MORC3: variants seen among roughly 807,000 people sequenced by gnomAD.
The protein encoded by MORC3 is MORC family CW-type zinc finger protein 3.
A neutral mutation model predicts 109.1 loss-of-function variants in MORC3; 31 were observed. The ratio of observed to expected loss-of-function variants is 0.28; its 90% CI spans 0.21 to 0.38. The LOEUF (loss-of-function observed/expected upper bound fraction) is 0.38. MORC3 is among the 10% of genes least tolerant of loss of function. The probability of loss-of-function intolerance (pLI) is 1.00; values close to 1 mark genes in which losing one functional copy is unlikely to be tolerated. For synonymous variants in MORC3, 395 were observed against 380.7 expected (o/e 1.04, Z -0.44); for missense variants, 867 against 1,135.8 (o/e 0.76, Z 3.40).
At chr21:36,334,126 A>G (rs2146295482) in intron 2 of MORC3, among the ~76,000 whole-genome samples, 1 of 152,140 alleles carries the variant, frequency 6.6e-6, no homozygotes, top group East Asian at 1.9e-4. Flanking sequence ...ATGGTGGTGC[A>G]GGCCTGTGGT....
Position 36,320,230 on chromosome 21 carries a change from G to A in MORC3, c.-35G>A, listed in dbSNP as rs1304207525. 2 of 1,571,218 alleles carry A rather than the reference G, an allele frequency of 1.3e-6. No individual in the cohort carries two copies. The highest frequency in any genetic ancestry group is 8.6e-7 in the Non-Finnish European group (1 of 1,159,212). On this transcript the variant is annotated 5_prime_UTR_variant, in exon 1 of 17. Transcript: ENST00000400485. ...TCCGCCACCTCCCAGTCGGGTTGCG[G>A]CGGAGGCCGTTCCTGGCTTTGTAGC...
intron 11 of MORC3, 22 bp downstream of exon 11, chr21:36,360,099 C>A: frequency 6.2e-7 from 1 of 1,614,062 alleles, no homozygotes; most frequent in Non-Finnish European, 8.5e-7. Context: ...TTGGTAGTAC[C>A]CTTTTTGGAA....
intron 1 of MORC3, among the ~76,000 whole-genome samples, chr21:36,321,313 GTGT>G (rs2085191499): frequency 6.6e-6 from 1 of 152,144 alleles, no homozygotes. Flanking sequence ...TTGACTGTTT[GTGT>G]TGTTGAGCTC....
intron 6 of MORC3, among the ~76,000 whole-genome samples, chr21:36,343,481 C>A (rs1477052703): frequency 7.1e-6 from 1 of 139,974 alleles, no homozygotes; most frequent in African/African-American, 2.7e-5. Context: ...CAGAGTCTCA[C>A]TCTGTTGCCT....
chr21:36,334,110 C>G lies in MORC3; in HGVS notation c.112+392C>G, dbSNP rs530784789. 9.2e-5 allele frequency among the ~76,000 whole-genome samples: 14 copies of G among 152,088 alleles called. No individual in the cohort carries two copies. The East Asian group carries it at 2.5e-3, about 27-fold the overall frequency. On this transcript the variant is annotated intron_variant, in intron 2 of 16. Transcript: ENST00000400485. ...CCTACAAAAATATTTTAAAAATCAG[C>G]TGGGTATGGTGGTGCAGGCCTGTGG...
intron 13 of MORC3, among the ~76,000 whole-genome samples, 180 bp downstream of exon 13, chr21:36,362,408 T>C (rs2085729163): frequency 6.6e-6 from 1 of 151,488 alleles, no homozygotes; most frequent in African/African-American, 2.4e-5. Context: ...CTGGATGTGG[T>C]GGCACATACC....
chr21:36,351,940 G>A (rs117313305), intron 9 of MORC3, among the ~76,000 whole-genome samples: 3,748 of 152,198 alleles, frequency 0.025, 64 homozygotes, highest in Admixed American at 0.046. Context: ...AAGCCACATA[G>A]CCTTGTTAGT....
chr21:36,367,204 C>T (rs577955550), intron 14 of MORC3, among the ~76,000 whole-genome samples: 2 of 152,294 alleles, frequency 1.3e-5, no homozygotes, highest in East Asian at 1.9e-4. Flanking sequence ...TGTTTTGAAA[C>T]AGAATGAGTA....
intron 2 of MORC3, among the ~76,000 whole-genome samples, chr21:36,335,684 A>G (rs1328031672): frequency 1.3e-5 from 2 of 152,190 alleles, no homozygotes; most frequent in Non-Finnish European, 2.9e-5. Context: ...CTAAACAAGG[A>G]TGTTAAATGG....
At chr21:36,346,116 G>A (rs149897367) in intron 8 of MORC3, among the ~76,000 whole-genome samples, 108 of 152,276 alleles carry the variant, frequency 7.1e-4, no homozygotes, top group African/African-American at 2.4e-3. Flanking sequence ...CACCTCCCTG[G>A]TTCAAGCGAT....
chr21:36,368,087 A>G (rs994919426), intron 14 of MORC3, among the ~76,000 whole-genome samples: 1 of 152,188 alleles, frequency 6.6e-6, no homozygotes. Flanking sequence ...CCAAATAGCA[A>G]ACCAGTACAA....
intron 9 of MORC3, among the ~76,000 whole-genome samples, chr21:36,351,756 G>A (rs1333600973): frequency 6.6e-6 from 1 of 152,188 alleles, no homozygotes; most frequent in Non-Finnish European, 1.5e-5. Context: ...TAGTATAGTT[G>A]CTATGGAGAA....
At chr21:36,361,282 A>G (rs921925642) in intron 12 of MORC3, among the ~76,000 whole-genome samples, 5 of 151,426 alleles carry the variant, frequency 3.3e-5, no homozygotes, top group Admixed American at 6.6e-5. Flanking sequence ...GGTGGCTCAC[A>G]CCTGTAACCC....
At chr21:36,366,461 ACTT>A (rs1013649204) in intron 14 of MORC3, among the ~76,000 whole-genome samples, 1 of 151,426 alleles carries the variant, frequency 6.6e-6, no homozygotes, top group African/African-American at 2.4e-5. Flanking sequence ...TGATTAAACA[ACTT>A]TTTTTTTTTT....
chr21:36,341,530 G>T lies in MORC3; in HGVS notation c.740G>T (p.Ser247Ile). 6.2e-7 allele frequency: 1 copy of T among 1,613,848 alleles called. No homozygotes were observed. Among genetic ancestry groups the T allele is most frequent in the Non-Finnish European group, 8.5e-7 (1 of 1,179,970 alleles). ...QERMDQIAPE[S>I]DYSLRAYCSI... is the part of the protein sequence containing the mutation. ...AGGATGGACCAGATTGCCCCTGAGA[G>T]TGACTATTCCCTGAGGGTATGTATT... The change falls in exon 6 of 17, where the codon AGT becomes ATT. Residue 247 changes from serine (S) to isoleucine (I), a missense_variant. Around this residue, in one of 7 missense-constraint regions of MORC3, gnomAD observed 134 missense variants for 166.6 expected, o/e 0.80. Coordinates refer to ENST00000400485, the MANE Select transcript of MORC3 (RefSeq NM_015358.3).
intron 1 of MORC3, among the ~76,000 whole-genome samples, chr21:36,324,171 G>A (rs184916954): frequency 6.6e-6 from 1 of 152,032 alleles, no homozygotes; most frequent in Admixed American, 6.5e-5. Context: ...CACCGAGCCC[G>A]GCCACCATAG....
At chr21:36,324,513 G>A (rs1331105560) in intron 1 of MORC3, among the ~76,000 whole-genome samples, 1 of 151,818 alleles carries the variant, frequency 6.6e-6, no homozygotes, top group African/African-American at 2.4e-5. Context: ...TCCTGACCTC[G>A]TGATCTGCCT....
intron 7 of MORC3, 24 bp from the exon 8 acceptor site, chr21:36,344,888 C>A: frequency 1.2e-6 from 2 of 1,609,468 alleles, no homozygotes; most frequent in South Asian, 2.2e-5. Flanking sequence ...GTGTTGTGTT[C>A]AAAATTTACC....
chr21:36,351,605 C>T (rs1279882626), intron 9 of MORC3, among the ~76,000 whole-genome samples: 1 of 152,142 alleles, frequency 6.6e-6, no homozygotes, highest in Non-Finnish European at 1.5e-5. Flanking sequence ...CATGTCATTA[C>T]AAATGACAGC....
Sources: allele counts gnomAD v4.1 joint callset (sites outside exome capture counted in the v4.1 genomes callset), GRCh38; gene constraint gnomAD v4.1.1; regional missense constraint gnomAD v4.1.1; transcripts MANE v1.5; gene names NCBI Gene and HGNC (gene_info 2026-07-23, HGNC 2026-07-21).